Variants in ELMO1 observed in about 807,000 individuals in gnomAD.
ELMO1 encodes the protein engulfment and cell motility protein 1.
A neutral mutation model predicts 98.9 loss-of-function variants in ELMO1; 26 were observed. That is an observed-to-expected ratio of 0.26 (90% confidence interval 0.19 to 0.36). ELMO1 has a LOEUF of 0.36. Among genes scored for constraint, ELMO1 ranks in the 10% least tolerant of loss-of-function variants. The pLI is 1.00. For synonymous variants in ELMO1, 346 were observed against 346.0 expected, an observed-to-expected ratio of 1.00 and a Z score of 0.00; for missense variants, 627 against 935.2, an observed-to-expected ratio of 0.67 and a Z score of 4.30.
chr7:37,319,171 G>T (rs1799354463), intron 2 of ELMO1, among the ~76,000 whole-genome samples: 1 of 152,064 alleles, frequency 6.6e-6, no homozygotes, highest in Admixed American at 6.6e-5. Context: ...TCTCCTGCAG[G>T]TATCTTATTA....
At chr7:37,054,682 G>T (rs886775655) in intron 15 of ELMO1, among the ~76,000 whole-genome samples, 1 of 152,134 alleles carries the variant, frequency 6.6e-6, no homozygotes, top group Non-Finnish European at 1.5e-5. Context: ...GTATATGAGA[G>T]ATCTGTCTAT....
chr7:37,093,934 G>C (rs772763227), intron 15 of ELMO1, among the ~76,000 whole-genome samples: 5 of 152,166 alleles, frequency 3.3e-5, no homozygotes, highest in Non-Finnish European at 7.3e-5. Context: ...CAGGACAGAT[G>C]ATGGGCATGC....
chr7:37,111,767 T>C (rs4720236), intron 14 of ELMO1, among the ~76,000 whole-genome samples: 8,402 of 152,308 alleles, frequency 0.055, 345 homozygotes, highest in East Asian at 0.12. Flanking sequence ...CAATATAGTT[T>C]AGCTTTCTTT....
At chr7:36,986,101 C>T (rs1025812656) in intron 16 of ELMO1, 17 of 990,984 alleles carry the variant, frequency 1.7e-5, no homozygotes, top group Admixed American at 1.2e-4. Flanking sequence ...AGAGACCCGC[C>T]GCACACCTTT....
intron 13 of ELMO1, among the ~76,000 whole-genome samples, chr7:37,187,733 A>G (rs932967903): frequency 6.6e-6 from 1 of 152,202 alleles, no homozygotes. Context: ...CCGCAGGTGC[A>G]CTGAAATGTG....
At chr7:37,121,920 G>A (rs1396901786) in intron 14 of ELMO1, among the ~76,000 whole-genome samples, 17 of 152,246 alleles carry the variant, frequency 1.1e-4, no homozygotes, top group Non-Finnish European at 2.5e-4. Flanking sequence ...AAGCCCATCA[G>A]ACTAACAGCT....
intron 1 of ELMO1, among the ~76,000 whole-genome samples, chr7:37,407,256 T>C (rs1262522275): frequency 6.6e-6 from 1 of 152,028 alleles, no homozygotes; most frequent in African/African-American, 2.4e-5. Flanking sequence ...ACGTCTGTAA[T>C]CCTAGCACTT....
intron 2 of ELMO1, among the ~76,000 whole-genome samples, chr7:37,333,878 ACT>A (rs1359005023): frequency 6.6e-6 from 1 of 152,098 alleles, no homozygotes; most frequent in East Asian, 1.9e-4. Context: ...CTATGTTTGT[ACT>A]CTCTGTAAAG....
At chr7:37,263,319 A>G (rs1351733190) in intron 5 of ELMO1, among the ~76,000 whole-genome samples, 1 of 151,816 alleles carries the variant, frequency 6.6e-6, no homozygotes, top group Non-Finnish European at 1.5e-5. Flanking sequence ...TATCCAGTGG[A>G]AAGGAATGTT....
At chr7:37,062,070 T>C (rs1796695289) in intron 15 of ELMO1, among the ~76,000 whole-genome samples, 1 of 152,212 alleles carries the variant, frequency 6.6e-6, no homozygotes, top group South Asian at 2.1e-4. Context: ...CTAAAGGCCA[T>C]TTGATTTGAT....
intron 4 of ELMO1, among the ~76,000 whole-genome samples, chr7:37,292,289 G>C (rs1335289214): frequency 4.8e-5 from 4 of 83,042 alleles, no homozygotes; most frequent in Admixed American, 3.7e-4. Context: ...GCGTGATCTC[G>C]GCTCGCTACA....
At chr7:37,126,059 A>T (rs1203373776) in intron 14 of ELMO1, among the ~76,000 whole-genome samples, 1 of 151,908 alleles carries the variant, frequency 6.6e-6, no homozygotes, top group African/African-American at 2.4e-5. Flanking sequence ...AAAAAACCAA[A>T]CATCGCATGT....
intron 10 of ELMO1, chr7:37,217,737 A>C (rs926538006): frequency 2.2e-5 from 10 of 457,110 alleles, no homozygotes; most frequent in African/African-American, 2.0e-4. Context: ...AAGGATGTCA[A>C]CATTGCTCTC....
intron 15 of ELMO1, among the ~76,000 whole-genome samples, chr7:37,077,562 T>G (rs535805088): frequency 1.3e-5 from 2 of 152,300 alleles, no homozygotes; most frequent in Non-Finnish European, 2.9e-5. Flanking sequence ...AGGAGGCAAG[T>G]ATGCAGGCCA....
chr7:37,204,953 G>A (rs531543591), intron 13 of ELMO1, among the ~76,000 whole-genome samples: 4 of 152,244 alleles, frequency 2.6e-5, no homozygotes, highest in African/African-American at 9.6e-5. Context: ...TGATTAGCTA[G>A]ACACAGACAG....
chr7:37,295,224 A>C (rs568323547), intron 4 of ELMO1, among the ~76,000 whole-genome samples: 2 of 152,310 alleles, frequency 1.3e-5, no homozygotes, highest in East Asian at 3.9e-4. Context: ...ATAGAAGGAG[A>C]GATAGAAAAT....
chr7:37,217,073 TGCCTGTAGCAAGGA>T (rs1201942523), intron 10 of ELMO1, among the ~76,000 whole-genome samples: 3 of 152,244 alleles, frequency 2.0e-5, no homozygotes, highest in Non-Finnish European at 4.4e-5. Flanking sequence ...AGGCAACACA[TGCCTGTAGCAAGGA>T]GATTCCAGTA....
At chr7:37,093,765 G>C (rs1020594697) in intron 15 of ELMO1, among the ~76,000 whole-genome samples, 3 of 152,174 alleles carry the variant, frequency 2.0e-5, no homozygotes, top group African/African-American at 7.2e-5. Flanking sequence ...TATTTTATGA[G>C]CAGAAAACAA....
At chr7:36,965,554 G>A (rs1246092502) in intron 16 of ELMO1, among the ~76,000 whole-genome samples, 1 of 152,070 alleles carries the variant, frequency 6.6e-6, no homozygotes, top group Non-Finnish European at 1.5e-5. Flanking sequence ...TTTATATGTA[G>A]GGTTCTACTC....
Sources: allele counts gnomAD v4.1 joint callset (sites outside exome capture counted in the v4.1 genomes callset), GRCh38; gene constraint gnomAD v4.1.1; transcripts MANE v1.5; gene names NCBI Gene and HGNC (gene_info 2026-07-23, HGNC 2026-07-21).